The following ERG variants were observed in gnomAD, a reference collection of about 807,000 sequenced individuals.
The protein encoded by ERG is ETS transcription factor ERG.
In ERG, 9 loss-of-function variants were observed where a neutral mutation model predicts 55.3. That is an observed-to-expected ratio of 0.16 (90% CI 0.10 to 0.28). The LOEUF is 0.28. Among genes scored for constraint, ERG ranks in the 10% least tolerant of loss-of-function variants. ERG has a pLI of 1.00. For synonymous variants in ERG, 223 were observed against 237.3 expected (o/e 0.94, Z 0.55); for missense variants, 434 against 631.6 (o/e 0.69, Z 3.35).
intron 2 of ERG, among the ~76,000 whole-genome samples, chr21:38,529,361 G>A (rs773467608): frequency 8.5e-5 from 13 of 152,186 alleles, no homozygotes; most frequent in Non-Finnish European, 1.9e-4. Context: ...GGTGGAGGAA[G>A]TGAGGTGGAG....
chr21:38,404,386 G>C (rs1312535013), intron 3 of ERG, among the ~76,000 whole-genome samples: 1 of 152,126 alleles, frequency 6.6e-6, no homozygotes, highest in Non-Finnish European at 1.5e-5. Flanking sequence ...TTCCACAGCT[G>C]GCCATGGCGA....
At chr21:38,633,878 G>GAAAAA (rs5843923) in intron 1 of ERG, among the ~76,000 whole-genome samples, 5 of 148,126 alleles carry the variant, frequency 3.4e-5, no homozygotes, top group African/African-American at 7.5e-5. Flanking sequence ...CAGTTGATAT[G>GAAAAA]AAAAAAAAAA....
intron 2 of ERG, among the ~76,000 whole-genome samples, chr21:38,542,286 C>A (rs998759274): frequency 2.0e-5 from 3 of 152,196 alleles, no homozygotes; most frequent in Non-Finnish European, 2.9e-5. Flanking sequence ...CCGCGCCTGG[C>A]CTATGCACTG....
the ERG span, among the ~76,000 whole-genome samples, chr21:38,368,616 T>A: frequency 2.6e-5 from 4 of 152,328 alleles, no homozygotes; most frequent in East Asian, 3.9e-4. Flanking sequence ...GACTTTTTTT[T>A]ATTAACTTTA....
At chr21:38,447,643 A>G (rs1171185421) in intron 1 of ERG, among the ~76,000 whole-genome samples, 2 of 151,818 alleles carry the variant, frequency 1.3e-5, no homozygotes, top group Non-Finnish European at 2.9e-5. Flanking sequence ...AATCAGCACC[A>G]TAGACTTAGT....
chr21:38,640,350 G>C (rs2060416325), intron 1 of ERG, among the ~76,000 whole-genome samples: 3 of 152,112 alleles, frequency 2.0e-5, no homozygotes, highest in Admixed American at 2.0e-4. Context: ...ACAGGAGATG[G>C]GGGAAGGGGG....
chr21:38,419,054 C>T (rs1310967397), intron 3 of ERG, among the ~76,000 whole-genome samples: 3 of 152,078 alleles, frequency 2.0e-5, no homozygotes, highest in African/African-American at 7.2e-5. Context: ...TGTCAGGCCC[C>T]TCTTATTACA....
At chr21:38,523,945 G>A (rs1161084999) in intron 2 of ERG, among the ~76,000 whole-genome samples, 1 of 152,192 alleles carries the variant, frequency 6.6e-6, no homozygotes, top group South Asian at 2.1e-4. Flanking sequence ...GCAAGACTGC[G>A]ATTTAAGAGA....
intron 1 of ERG, among the ~76,000 whole-genome samples, chr21:38,486,933 C>T (rs1457632903): frequency 6.6e-6 from 1 of 152,092 alleles, no homozygotes; most frequent in East Asian, 1.9e-4. Context: ...TGCAACACTA[C>T]CAAGAAGTAG....
At chr21:38,454,678 T>C (rs1439144189) in intron 1 of ERG, among the ~76,000 whole-genome samples, 1 of 152,214 alleles carries the variant, frequency 6.6e-6, no homozygotes, top group East Asian at 1.9e-4. Context: ...AAGGGTGATG[T>C]GACTGACTCC....
intron 2 of ERG, among the ~76,000 whole-genome samples, chr21:38,527,644 G>A (rs2059639750): frequency 6.6e-6 from 1 of 151,986 alleles, no homozygotes; most frequent in South Asian, 2.1e-4. Flanking sequence ...TCTCTTACAC[G>A]GAGGCCAAAG....
At position 38,614,037 on chromosome 21, in the gene ERG, G is replaced by A. The variant is rs924579368; in HGVS notation, c.-149-29092C>T. ...CCCTGGAGATCATCCCACTCCACTC[G>A]TTGAACAGTGGGGGAAGCCAAGGTT... On this transcript the variant is annotated intron_variant, in intron 1 of 10. Coordinates refer to the ERG transcript ENST00000398910. Among the ~76,000 whole-genome samples the A allele has an allele frequency of 3.3e-5, 5 of 152,014 alleles. No homozygotes were observed. In the South Asian group the frequency reaches 6.2e-4, roughly 19 times the overall value.
chr21:38,419,180 G>C (rs767205631), intron 3 of ERG, among the ~76,000 whole-genome samples: 10 of 152,122 alleles, frequency 6.6e-5, no homozygotes, highest in African/African-American at 9.7e-5. Flanking sequence ...AAAAACCAGA[G>C]ATGGGAATTA....
chr21:38,440,591 C>T (rs1047939244), intron 2 of ERG, among the ~76,000 whole-genome samples: 2 of 152,008 alleles, frequency 1.3e-5, no homozygotes, highest in Admixed American at 6.6e-5. Context: ...GAGGCTGAGG[C>T]GGGTGGATCA....
At chr21:38,397,338 G>A (rs940042153) in intron 6 of ERG, among the ~76,000 whole-genome samples, 14 of 152,132 alleles carry the variant, frequency 9.2e-5, no homozygotes, top group Non-Finnish European at 1.8e-4. Flanking sequence ...GGTGGTTCAC[G>A]CCTGTAATCC....
intron 2 of ERG, among the ~76,000 whole-genome samples, chr21:38,514,036 C>T (rs1377611944): frequency 2.0e-5 from 3 of 151,556 alleles, no homozygotes; most frequent in Non-Finnish European, 4.4e-5. Context: ...AGTTGAAATA[C>T]ATAATTGGAA....
intron 2 of ERG, among the ~76,000 whole-genome samples, chr21:38,532,983 T>C (rs1474124795): frequency 6.6e-6 from 1 of 152,240 alleles, no homozygotes; most frequent in Non-Finnish European, 1.5e-5. Context: ...ACTAGCTCTT[T>C]TTCACCTCTG....
At chr21:38,520,081 G>C (rs1463299655) in intron 2 of ERG, among the ~76,000 whole-genome samples, 1 of 152,006 alleles carries the variant, frequency 6.6e-6, no homozygotes, top group Non-Finnish European at 1.5e-5. Context: ...TCAGTTAGCA[G>C]GTCAAAACTT....
chr21:38,458,294 T>G (rs2059008492), intron 1 of ERG, among the ~76,000 whole-genome samples: 1 of 151,940 alleles, frequency 6.6e-6, no homozygotes, highest in Non-Finnish European at 1.5e-5. Flanking sequence ...TGTGGTGGCG[T>G]GTGCCTGTAA....
Sources: gnomAD v4.1 joint callset for allele counts (sites outside exome capture counted in the v4.1 genomes callset) on GRCh38, gnomAD v4.1.1 for gene constraint, MANE v1.5 for transcripts, NCBI Gene and HGNC (gene_info 2026-07-23, HGNC 2026-07-21) for gene names.